Variants in USP7 observed in about 807,000 individuals in gnomAD.
USP7 encodes the protein ubiquitin C-terminal hydrolase 7.
Under a neutral mutation model 162.9 loss-of-function variants are expected in USP7, and 9 were observed. That is an observed-to-expected ratio of 0.06 (90% CI 0.03 to 0.10). The LOEUF (loss-of-function observed/expected upper bound fraction) is 0.10. Among genes scored for constraint, USP7 ranks in the 10% least tolerant of loss-of-function variants. The pLI is 1.00. For missense variants in USP7, 715 were observed against 1,373.7 expected (o/e 0.52, Z 7.58); for synonymous variants, 562 against 475.9 (o/e 1.18, Z -2.35).
At chr16:8,957,240 A>C (rs1899845527) in intron 1 of USP7, among the ~76,000 whole-genome samples, 2 of 152,236 alleles carry the variant, frequency 1.3e-5, no homozygotes, top group Non-Finnish European at 2.9e-5. Context: ...TTTCTTGCCT[A>C]CGCATGACAC....
intron 10 of USP7, 79 bp downstream of exon 10, chr16:8,915,174 AC>A (rs747378750): frequency 8.0e-5 from 106 of 1,318,600 alleles, no homozygotes; most frequent in Middle Eastern, 2.7e-4. Context: ...ATTTAAAAAA[AC>A]ATCACTTGTG....
At chr16:8,922,800 C>A (rs1479012314) in intron 3 of USP7, among the ~76,000 whole-genome samples, 2 of 152,206 alleles carry the variant, frequency 1.3e-5, no homozygotes, top group Non-Finnish European at 2.9e-5. Flanking sequence ...AGTCAGAGGG[C>A]CATGTTGTAT....
At chr16:8,923,632 C>T (rs1017898595) in intron 2 of USP7, among the ~76,000 whole-genome samples, 2 of 152,216 alleles carry the variant, frequency 1.3e-5, no homozygotes, top group Admixed American at 6.5e-5. Flanking sequence ...ACTCAGAGTG[C>T]TAACCATACA....
intron 5 of USP7, 140 bp downstream of exon 5, chr16:8,920,219 T>G: frequency 1.5e-6 from 1 of 688,032 alleles, no homozygotes; most frequent in South Asian, 1.9e-5. Flanking sequence ...CAAGCAGGTG[T>G]GACTCTGTGT....
intron 1 of USP7, among the ~76,000 whole-genome samples, chr16:8,930,911 G>A (rs1280355213): frequency 1.3e-5 from 2 of 151,506 alleles, no homozygotes; most frequent in African/African-American, 4.9e-5. Context: ...GGAGGCTGCA[G>A]TGAGCCAAGA....
chr16:8,953,093 C>T (rs932781707), intron 1 of USP7, among the ~76,000 whole-genome samples: 1 of 152,070 alleles, frequency 6.6e-6, no homozygotes. Flanking sequence ...CTTGGCCTCC[C>T]GAAATGCTGG....
chr16:8,894,867 A>C lies in USP7; in HGVS notation c.3040-12T>G. On this transcript the variant is annotated splice_polypyrimidine_tract_variant and intron_variant, in intron 28 of 30. Transcript: ENST00000344836. ...CGAAAATGCTCGCCCTAGAATGGCA[A>C]AGGACATGTGCTCACACAGTCACTC... 2 of 1,614,174 alleles carry C rather than the reference A, an allele frequency of 1.2e-6. No individual in the cohort carries two copies. Among genetic ancestry groups the C allele is most frequent in the South Asian group, 1.1e-5 (1 of 91,082 alleles).
At chr16:8,902,043 A>T in intron 18 of USP7, 39 bp downstream of exon 18, 1 of 1,529,294 alleles carries the variant, frequency 6.5e-7, no homozygotes, top group Non-Finnish European at 9.1e-7. Flanking sequence ...ATCCAACGCT[A>T]CTGCTCTAAG....
chr16:8,909,087 G>T (rs556628474), intron 11 of USP7, among the ~76,000 whole-genome samples: 1 of 152,346 alleles, frequency 6.6e-6, no homozygotes, highest in South Asian at 2.1e-4. Flanking sequence ...CTGTGGGACA[G>T]GACACCCCAA....
At chr16:8,933,159 C>T (rs1036681775) in intron 1 of USP7, among the ~76,000 whole-genome samples, 1 of 152,098 alleles carries the variant, frequency 6.6e-6, no homozygotes, top group African/African-American at 2.4e-5. Context: ...AGACTGGTCT[C>T]AAACTCCTGA....
intron 1 of USP7, among the ~76,000 whole-genome samples, chr16:8,936,038 C>A (rs1349519838): frequency 6.6e-6 from 1 of 152,184 alleles, no homozygotes; most frequent in Non-Finnish European, 1.5e-5. Context: ...CAATCCTCCC[C>A]CAAAAAGCTG....
intron 1 of USP7, among the ~76,000 whole-genome samples, chr16:8,935,182 C>T (rs1327344748): frequency 6.6e-6 from 1 of 151,462 alleles, no homozygotes; most frequent in Non-Finnish European, 1.5e-5. Context: ...TTTGGCCAAA[C>T]ACTTGAGCTA....
intron 1 of USP7, among the ~76,000 whole-genome samples, chr16:8,952,979 G>A (rs899879229): frequency 6.6e-6 from 1 of 152,136 alleles, no homozygotes; most frequent in Non-Finnish European, 1.5e-5. Context: ...TGGGATTACA[G>A]TCGCGTGTCA....
chr16:8,910,787 G>C lies in USP7; in HGVS notation c.1119C>G (p.Leu373=), dbSNP rs757176466. 2.5e-6 allele frequency: 4 copies of C among 1,613,968 alleles called. No homozygotes were observed. Among genetic ancestry groups the C allele is most frequent in the East Asian group, 4.5e-5 (2 of 44,898 alleles). Residue 373 remains leucine, a synonymous_variant, in exon 11 of 31, where the codon CTC becomes CTG. Coordinates refer to ENST00000344836, the MANE Select transcript of USP7 (RefSeq NM_003470.3). ...CAGCGTCGTATTTATTGTCCCCATC[G>C]AGCTGTTCTACTGCCACATAATCCA... ...SFVDYVAVEQ[L]DGDNKYDAGE... is the part of the protein sequence containing the mutation.
Position 8,963,868 on chromosome 16 carries a change from G to A in USP7, c.-583C>T, listed in dbSNP as rs1296557069. ...AGCGGACGCGGCGCCCGGCAGCTCG[G>A]CTCGGCTCGCTCTCAAAATGGCGGC... On this transcript the variant is annotated 5_prime_UTR_variant, in exon 1 of 31. Transcript: ENST00000344836. Among the ~76,000 whole-genome samples, 2 of 146,842 alleles carry A rather than the reference G, an allele frequency of 1.4e-5. No homozygotes were observed. The highest frequency in any genetic ancestry group is 3.0e-5 in the Non-Finnish European group (2 of 65,920).
At chr16:8,907,546 T>C (rs1462798179) in intron 12 of USP7, among the ~76,000 whole-genome samples, 2 of 152,250 alleles carry the variant, frequency 1.3e-5, no homozygotes, top group Non-Finnish European at 2.9e-5. Flanking sequence ...CTGCATCTAC[T>C]ATTTTAACAA....
In USP7 at chr16:8,902,208, G is replaced by C. The variant is rs760698171; in HGVS notation, c.1942-21C>G. ...ATCATCTATTTCCAAAAGAGACGCT[G>C]ATTTTAGAAGAGTCTAATGGCTTAG... On this transcript the variant is annotated intron_variant, in intron 17 of 30. Transcript: ENST00000344836. 2.5e-6 allele frequency: 4 copies of C among 1,610,144 alleles called. No individual in the cohort carries two copies. In the African/African-American group the frequency reaches 5.3e-5, roughly 22 times the overall value.
chr16:8,904,067 C>G (rs1271793789), intron 15 of USP7, among the ~76,000 whole-genome samples: 2 of 152,282 alleles, frequency 1.3e-5, no homozygotes, highest in East Asian at 3.9e-4. Flanking sequence ...CTTCTGACAA[C>G]CAAGTCTTTA....
chr16:8,929,860 A>G (rs1898219872), intron 2 of USP7, among the ~76,000 whole-genome samples: 1 of 152,196 alleles, frequency 6.6e-6, no homozygotes, highest in Non-Finnish European at 1.5e-5. Flanking sequence ...TTTCATCCCT[A>G]ACAGGAGCGG....
Sources: gnomAD v4.1 joint callset for allele counts (sites outside exome capture counted in the v4.1 genomes callset) on GRCh38, gnomAD v4.1.1 for gene constraint, MANE v1.5 for transcripts, NCBI Gene and HGNC (gene_info 2026-07-23, HGNC 2026-07-21) for gene names.